Variants in UGGT1 observed in about 807,000 individuals in gnomAD.
The protein encoded by UGGT1 is UDP-glucose:glycoprotein glucosyltransferase 1.
A neutral mutation model predicts 203.9 loss-of-function variants in UGGT1; 107 were observed. The observed-to-expected ratio is 0.52, with a 90% CI of 0.45 to 0.62. The LOEUF (loss-of-function observed/expected upper bound fraction) is 0.62, where lower values mean the gene tolerates loss of function less well. Among genes scored for constraint, UGGT1 ranks in the 20% least tolerant of loss-of-function variants. The probability of loss-of-function intolerance (pLI) is 0.00; values close to 1 mark genes in which losing one functional copy is unlikely to be tolerated. For synonymous variants in UGGT1, 628 were observed against 653.5 expected (o/e 0.96, Z 0.59); for missense variants, 1,673 against 1,867.2 (o/e 0.90, Z 1.92).
At position 128,091,386 on chromosome 2, in the gene UGGT1, C is replaced by A. The variant is rs528339040; in HGVS notation, c.29C>A (p.Ala10Glu). ...GGCTGCAAGGGAGACGCGAGCGGTG[C>A]GTGTGCCGCGGGTGCGCTGCCGGTG... MGCKGDASGACAAGALPVTG... is the reference protein window; with the variant it reads MGCKGDASGECAAGALPVTG... The change falls in exon 1 of 41, where the codon GCG becomes GAG. Residue 10 changes from alanine (A) to glutamate (E), a missense_variant. This residue lies in a region of UGGT1 where 83 missense variants were observed against 87.2 expected (regional missense o/e 0.95). Transcript: ENST00000259253. The A allele has an allele frequency of 1.3e-6, 2 of 1,576,576 alleles. No homozygotes were observed. The highest frequency in any genetic ancestry group is 2.3e-5 in the South Asian group (2 of 86,006).
chr2:128,164,786 A>T lies in UGGT1; in HGVS notation c.2882A>T (p.Asp961Val). 1 of 1,610,714 alleles carries T rather than the reference A, an allele frequency of 6.2e-7. No individual in the cohort carries two copies. Among genetic ancestry groups the T allele is most frequent in the East Asian group, 2.2e-5 (1 of 44,758 alleles). The change falls in exon 26 of 41, where the codon GAT becomes GTT. Residue 961 changes from aspartate (D) to valine (V), a missense_variant. Physicochemically the swap from Asp to Val is radical, Grantham distance 152. Coordinates refer to ENST00000259253, the MANE Select transcript of UGGT1 (RefSeq NM_020120.4). ...CTTCTGTCAGCGCAACCAAAAGGAGATCCAAGAATCGAGTACCAGTTTTTT... is the reference window on the plus strand; with the variant it reads ...CTTCTGTCAGCGCAACCAAAAGGAGTTCCAAGAATCGAGTACCAGTTTTTT... ...DALLSAQPKGDPRIEYQFFED... is the reference protein window; with the variant it reads ...DALLSAQPKGVPRIEYQFFED...
At chr2:128,127,234 A>G in intron 11 of UGGT1, 127 bp from the exon 12 acceptor site, 2 of 653,042 alleles carry the variant, frequency 3.1e-6, no homozygotes, top group Non-Finnish European at 5.4e-6. Flanking sequence ...TCCCAACAGC[A>G]TCTTGAAGCA....
At chr2:128,121,349 T>C (rs1688371222) in intron 10 of UGGT1, 51 bp downstream of exon 10, 4 of 1,311,462 alleles carry the variant, frequency 3.1e-6, no homozygotes, top group Non-Finnish European at 3.2e-6. Flanking sequence ...GTCATCGTCA[T>C]GTTCACTTGC....
At position 128,173,943 on chromosome 2, in the gene UGGT1, A is replaced by G. The variant is rs1366690880; in HGVS notation, c.3453+4A>G. 1 of 1,613,886 alleles carries G rather than the reference A, an allele frequency of 6.2e-7. No individual in the cohort carries two copies. Among genetic ancestry groups the G allele is most frequent in the South Asian group, 1.1e-5 (1 of 91,018 alleles). On this transcript the variant is annotated splice_donor_region_variant and intron_variant, in intron 30 of 40. Transcript: ENST00000259253. The stretch of plus-strand genomic sequence containing the variant: ...CACCATTGTTATGGCCAATCTGGTA[A>G]ATAATCTGTTCATCAGATAGTGATA...
rs766113698 is a variant in UGGT1 at position 128,195,243 on chromosome 2, C to T, written c.*5501C>T. The T allele has an allele frequency of 6.6e-5, 10 of 152,220 alleles. No individual in the cohort carries two copies. Among genetic ancestry groups the T allele is most frequent in the Non-Finnish European group, 1.5e-4 (10 of 68,040 alleles). The allele number at this position is 152,220 out of a possible 1,614,324, so 9.4% of individuals were successfully genotyped here. Reference sequence around the variant, plus strand: ...CTAGCTGTGGAAGGTTGCAGTGGGACAGGAATGTATTGTATGCCTTGCCTT... The same window carrying T: ...CTAGCTGTGGAAGGTTGCAGTGGGATAGGAATGTATTGTATGCCTTGCCTT... On this transcript the variant is annotated 3_prime_UTR_variant, in exon 41 of 41. Transcript: ENST00000259253.
At chr2:128,152,120 A>G (rs534036810) in intron 18 of UGGT1, among the ~76,000 whole-genome samples, 1 of 152,114 alleles carries the variant, frequency 6.6e-6, no homozygotes, top group South Asian at 2.1e-4. Flanking sequence ...TTGAACAAAG[A>G]TGGGAGTGGT....
At chr2:128,122,359 C>T (rs1313075948) in intron 10 of UGGT1, among the ~76,000 whole-genome samples, 5 of 151,892 alleles carry the variant, frequency 3.3e-5, no homozygotes, top group South Asian at 2.1e-4. Context: ...ATGGTGAAAC[C>T]GCTTTTCTAC....
chr2:128,181,254 A>G (rs960290740), intron 36 of UGGT1, among the ~76,000 whole-genome samples, 182 bp downstream of exon 36: 3 of 152,214 alleles, frequency 2.0e-5, no homozygotes, highest in African/African-American at 7.2e-5. Context: ...TCTCCTTTAC[A>G]TCTTTTTCTC....
At chr2:128,189,388 A>G (rs1254297163) in intron 40 of UGGT1, among the ~76,000 whole-genome samples, 3 of 152,256 alleles carry the variant, frequency 2.0e-5, no homozygotes, top group Admixed American at 2.0e-4. Context: ...ACACTGATAC[A>G]TAGAAAATGT....
intron 5 of UGGT1, among the ~76,000 whole-genome samples, chr2:128,110,177 G>C (rs1214371588): frequency 2.0e-5 from 3 of 152,154 alleles, no homozygotes; most frequent in Non-Finnish European, 1.5e-5. Flanking sequence ...GGCTTGATTT[G>C]AATATTAATT....
intron 13 of UGGT1, among the ~76,000 whole-genome samples, chr2:128,132,710 CTTTT>C (rs1022964740): frequency 6.6e-6 from 1 of 151,840 alleles, no homozygotes; most frequent in African/African-American, 2.4e-5. Flanking sequence ...ATCTTTGTAT[CTTTT>C]TTGTTTGTTT....
At position 128,115,211 on chromosome 2, in the gene UGGT1, C is replaced by A; in HGVS notation, c.784C>A (p.Gln262Lys). The A allele has an allele frequency of 1.2e-6, 2 of 1,613,474 alleles. No homozygotes were observed. The highest frequency in any genetic ancestry group is 2.2e-5 in the South Asian group (2 of 91,010). The change falls in exon 7 of 41, where the codon CAG becomes AAG. Residue 262 changes from glutamine (Q) to lysine (K), a missense_variant. This residue lies in a region of UGGT1 where 1,073 missense variants were observed against 1,078.7 expected (regional missense o/e 0.99). Coordinates refer to ENST00000259253, the MANE Select transcript of UGGT1 (RefSeq NM_020120.4). ...STEYKAKDDTQVKGTEVNTTV... is the reference protein window; with the variant it reads ...STEYKAKDDTKVKGTEVNTTV... ...TGAGTACAAGGCCAAGGATGATACT[C>A]AGGTGAAAGGTGAATTTGTAAAAAT...
chr2:128,134,773 C>T (rs569011965), intron 14 of UGGT1, 103 bp from the exon 15 acceptor site: 20 of 929,224 alleles, frequency 2.2e-5, no homozygotes, highest in Non-Finnish European at 3.1e-5. Flanking sequence ...AAGCGTAGCT[C>T]GAAAAAGGTT....
chr2:128,188,285 C>T (rs924702949), intron 40 of UGGT1, among the ~76,000 whole-genome samples: 1 of 151,954 alleles, frequency 6.6e-6, no homozygotes, highest in Non-Finnish European at 1.5e-5. Flanking sequence ...CCCAAGTGAT[C>T]CGCCCGCCTC....
At chr2:128,155,453 G>C in intron 19 of UGGT1, 36 bp from the exon 20 acceptor site, 1 of 1,467,282 alleles carries the variant, frequency 6.8e-7, no homozygotes. Context: ...AGATTGAACT[G>C]GAACTAATAT....
intron 11 of UGGT1, among the ~76,000 whole-genome samples, chr2:128,123,870 G>A (rs1406451314): frequency 6.6e-6 from 1 of 152,042 alleles, no homozygotes; most frequent in Non-Finnish European, 1.5e-5. Flanking sequence ...CCTTGTTTTG[G>A]TACAGCTCAT....
At chr2:128,183,573 A>G (rs1558829698) in intron 37 of UGGT1, 102 bp from the exon 38 acceptor site, 1 of 797,398 alleles carries the variant, frequency 1.3e-6, no homozygotes, top group Non-Finnish European at 2.1e-6. Flanking sequence ...TTTCAAAGAA[A>G]AGCCAGAATA....
intron 18 of UGGT1, among the ~76,000 whole-genome samples, chr2:128,149,884 C>T (rs1446210673): frequency 1.6e-4 from 25 of 152,052 alleles, no homozygotes; most frequent in East Asian, 1.9e-4. Context: ...ATCGCTTGAA[C>T]GCAGGAGGCC....
intron 10 of UGGT1, among the ~76,000 whole-genome samples, chr2:128,122,406 G>T (rs779698545): frequency 2.0e-5 from 3 of 151,928 alleles, no homozygotes; most frequent in Non-Finnish European, 4.4e-5. Context: ...TGGTGGCAGG[G>T]GTCTGTAATC....
Sources: allele counts gnomAD v4.1 joint callset (sites outside exome capture counted in the v4.1 genomes callset), GRCh38; gene constraint gnomAD v4.1.1; regional missense constraint gnomAD v4.1.1; transcripts MANE v1.5; gene names NCBI Gene and HGNC (gene_info 2026-07-23, HGNC 2026-07-21).